Variants in TMEM164 observed in about 807,000 individuals in gnomAD.
The protein encoded by TMEM164 is RP13-360B22.2.
A neutral mutation model predicts 18.8 loss-of-function variants in TMEM164; 4 were observed. That is an observed-to-expected ratio of 0.21 (90% CI 0.10 to 0.49). TMEM164 has a LOEUF of 0.49. TMEM164 is among the 20% of genes least tolerant of loss of function. The probability of loss-of-function intolerance (pLI) is 0.98; values close to 1 mark genes in which losing one functional copy is unlikely to be tolerated. For missense variants in TMEM164, 108 were observed against 239.9 expected (o/e 0.45, Z 3.63); for synonymous variants, 86 against 101.7 (o/e 0.85, Z 0.93).
At chrX:110,074,181 T>A (rs2065638092) in intron 3 of TMEM164, among the ~76,000 whole-genome samples, 1 of 111,410 alleles carries the variant, frequency 9.0e-6, no homozygotes, top group Non-Finnish European at 1.9e-5. Flanking sequence ...CTTGACCTGA[T>A]TGTGGTTTGA....
At chrX:110,017,497 TC>T (rs1933502852) in intron 2 of TMEM164, among the ~76,000 whole-genome samples, 1 of 1,499 alleles carries the variant, frequency 6.7e-4, no homozygotes, top group African/African-American at 8.8e-4. Context: ...CCTCCCTCCC[TC>T]CCTCCCTCCC....
chrX:110,119,335 T>C (rs759420829), intron 4 of TMEM164, among the ~76,000 whole-genome samples: 1 of 111,286 alleles, frequency 9.0e-6, no homozygotes, highest in East Asian at 2.8e-4. Context: ...GGCTCCCACC[T>C]GTAATCCCAG....
At chrX:110,181,227 C>T (rs2067322724), downstream of TMEM164, among the ~76,000 whole-genome samples, 1 of 112,142 alleles carries the variant, frequency 8.9e-6, no homozygotes, top group Non-Finnish European at 1.9e-5. Flanking sequence ...CCGTCTATAG[C>T]AGTGCCTTTT....
chrX:110,096,636 C>T (rs145963552), intron 3 of TMEM164, among the ~76,000 whole-genome samples: 1 of 112,257 alleles, frequency 8.9e-6, no homozygotes, highest in South Asian at 3.7e-4. Context: ...TTGTTCTTCC[C>T]GGGTGAGGTG....
intron 4 of TMEM164, among the ~76,000 whole-genome samples, chrX:110,138,665 G>C (rs939490851): frequency 5.3e-5 from 6 of 112,246 alleles, no homozygotes; most frequent in Non-Finnish European, 1.1e-4. Context: ...CAGGATGAGG[G>C]AATGATCAAC....
downstream of TMEM164, among the ~76,000 whole-genome samples, chrX:110,184,021 A>G (rs952205529): frequency 1.8e-5 from 2 of 111,061 alleles, no homozygotes; most frequent in South Asian, 3.8e-4. Flanking sequence ...AGAATATACA[A>G]TACCAAAAGT....
intron 3 of TMEM164, among the ~76,000 whole-genome samples, chrX:110,076,720 G>T (rs1466879887): frequency 3.6e-5 from 4 of 111,840 alleles, no homozygotes; most frequent in Non-Finnish European, 7.5e-5. Flanking sequence ...TAATTGTATG[G>T]TTTATCCCAA....
intron 3 of TMEM164, among the ~76,000 whole-genome samples, chrX:110,067,648 C>T (rs184083063): frequency 2.7e-5 from 3 of 112,208 alleles, no homozygotes; most frequent in South Asian, 3.7e-4. Context: ...AAGGCATGCT[C>T]CCTTGGAAGG....
chrX:110,058,075 T>A (rs1935933783), intron 2 of TMEM164, among the ~76,000 whole-genome samples: 1 of 111,583 alleles, frequency 9.0e-6, no homozygotes, highest in Admixed American at 9.6e-5. Flanking sequence ...AGTTTTATGG[T>A]TTCAGATGTT....
At chrX:110,042,117 C>T (rs981920312) in intron 2 of TMEM164, among the ~76,000 whole-genome samples, 1 of 110,425 alleles carries the variant, frequency 9.1e-6, no homozygotes, top group African/African-American at 3.3e-5. Flanking sequence ...AACCACCACT[C>T]CTATTTCTAG....
chrX:110,017,448 C>T (rs5985436), intron 2 of TMEM164, among the ~76,000 whole-genome samples: 817 of 15,201 alleles, frequency 0.054, 14 homozygotes, highest in African/African-American at 0.064. Flanking sequence ...CTTTCTTTCT[C>T]TCTCTCTCTC....
intron 2 of TMEM164, among the ~76,000 whole-genome samples, chrX:110,007,110 T>C (rs1410179299): frequency 8.9e-6 from 1 of 112,355 alleles, no homozygotes; most frequent in African/African-American, 3.2e-5. Context: ...CATCTCTCAT[T>C]TTTCAGTCTG....
chrX:110,039,258 A>G (rs773737386), intron 2 of TMEM164, among the ~76,000 whole-genome samples: 1 of 112,548 alleles, frequency 8.9e-6, no homozygotes, highest in Non-Finnish European at 1.9e-5. Flanking sequence ...TCATTGTCCC[A>G]ATATCCTTTT....
intron 4 of TMEM164, among the ~76,000 whole-genome samples, chrX:110,123,013 G>T (rs1285496188): frequency 1.8e-5 from 2 of 112,070 alleles, no homozygotes; most frequent in African/African-American, 6.5e-5. Flanking sequence ...GAAGATATAT[G>T]ACTGTTTTCT....
chrX:110,039,621 G>A (rs1013540975), intron 2 of TMEM164, among the ~76,000 whole-genome samples: 2 of 111,991 alleles, frequency 1.8e-5, no homozygotes, highest in East Asian at 5.6e-4. Context: ...AGTGAGGGCG[G>A]GGGATGGATA....
At chrX:110,063,887 C>A (rs965124069) in intron 2 of TMEM164, among the ~76,000 whole-genome samples, 5 of 111,076 alleles carry the variant, frequency 4.5e-5, no homozygotes, top group African/African-American at 1.3e-4. Flanking sequence ...TGGGGTGACT[C>A]CCTGTGTGCC....
At chrX:110,009,888 G>A (rs5942875) in intron 2 of TMEM164, among the ~76,000 whole-genome samples, 48,896 of 108,339 alleles carry the variant, frequency 0.45, 8,142 homozygotes, top group East Asian at 0.81. Flanking sequence ...AGCTACTCGG[G>A]AGGCTGAGGC....
intron 2 of TMEM164, among the ~76,000 whole-genome samples, chrX:110,030,796 G>A (rs1160206697): frequency 1.2e-5 from 1 of 82,545 alleles, no homozygotes; most frequent in Non-Finnish European, 2.3e-5. Context: ...GGGCGACAGA[G>A]CAAGACTCTG....
intron 5 of TMEM164, among the ~76,000 whole-genome samples, chrX:110,150,812 C>CT (rs1034826486): frequency 2.3e-4 from 25 of 107,532 alleles, no homozygotes; most frequent in East Asian, 5.7e-4. Context: ...CCCTTTCTTT[C>CT]TTTTTTTTTT....
Sources: allele counts gnomAD v4.1 joint callset (sites outside exome capture counted in the v4.1 genomes callset), GRCh38; gene constraint gnomAD v4.1.1; transcripts MANE v1.5; gene names NCBI Gene and HGNC (gene_info 2026-07-23, HGNC 2026-07-21).